ZNF521: variants seen among roughly 807,000 people sequenced by gnomAD.
ZNF521 encodes the protein zinc finger protein 521.
Under a neutral mutation model 105.5 loss-of-function variants are expected in ZNF521, and 14 were observed. The observed-to-expected ratio is 0.13, with a 90% CI of 0.09 to 0.21. The LOEUF is 0.21. ZNF521 is among the 10% of genes least tolerant of loss of function. The pLI, the probability that ZNF521 is intolerant of heterozygous loss-of-function variation, is 1.00. For missense variants in ZNF521, 1,233 were observed against 1,629.7 expected, an observed-to-expected ratio of 0.76 and a Z score of 4.19; for synonymous variants, 635 against 606.0, an observed-to-expected ratio of 1.05 and a Z score of -0.70.
intron 2 of ZNF521, 45 bp from the exon 3 acceptor site, chr18:25,322,232 C>G (rs774412505): frequency 6.3e-7 from 1 of 1,581,484 alleles, no homozygotes; most frequent in Admixed American, 1.7e-5. Flanking sequence ...AAGACAGGTT[C>G]TTTTAAAGTA....
At chr18:25,333,189 A>AACG (rs1462713453) in intron 2 of ZNF521, among the ~76,000 whole-genome samples, 2 of 151,724 alleles carry the variant, frequency 1.3e-5, no homozygotes, top group African/African-American at 4.8e-5. Context: ...AAGTAATATC[A>AACG]ACGAAATCAA....
At chr18:25,201,860 AAAT>A (rs1441365306) in intron 4 of ZNF521, 4 of 152,194 alleles carry the variant, frequency 2.6e-5, no homozygotes, top group African/African-American at 4.8e-5. Context: ...GCAAATGAAA[AAAT>A]AATAAAACCT....
At chr18:25,106,568 T>G (rs2034077914) in intron 5 of ZNF521, among the ~76,000 whole-genome samples, 3 of 152,146 alleles carry the variant, frequency 2.0e-5, no homozygotes, top group Non-Finnish European at 1.5e-5. Flanking sequence ...ATTGTAAAGT[T>G]CTACTCTGGC....
chr18:25,199,180 T>C (rs963843572), intron 4 of ZNF521, among the ~76,000 whole-genome samples: 1 of 151,888 alleles, frequency 6.6e-6, no homozygotes, highest in African/African-American at 2.4e-5. Flanking sequence ...TCTAGAATAT[T>C]CTTTCAGAGA....
chr18:25,222,512 A>C (rs1905795686), intron 4 of ZNF521, among the ~76,000 whole-genome samples: 2 of 152,246 alleles, frequency 1.3e-5, no homozygotes, highest in African/African-American at 4.8e-5. Context: ...GAAACAAGAG[A>C]GTCCAGCTAT....
chr18:25,124,608 T>C (rs796430612), intron 5 of ZNF521, among the ~76,000 whole-genome samples: 14 of 152,342 alleles, frequency 9.2e-5, no homozygotes, highest in African/African-American at 3.1e-4. Flanking sequence ...GATTTCCTTC[T>C]CCATTTTTGT....
At chr18:25,188,133 C>T (rs1568000747) in intron 5 of ZNF521, among the ~76,000 whole-genome samples, 1 of 152,134 alleles carries the variant, frequency 6.6e-6, no homozygotes, top group Non-Finnish European at 1.5e-5. Context: ...CTGCCCCATA[C>T]AGAGCTGCCA....
At chr18:25,089,664 G>C (rs913211374) in intron 6 of ZNF521, 84 bp from the exon 7 acceptor site, 4 of 1,086,508 alleles carry the variant, frequency 3.7e-6, no homozygotes, top group East Asian at 4.9e-5. Flanking sequence ...ACAGACAGCA[G>C]GCCGGACAGC....
intron 5 of ZNF521, among the ~76,000 whole-genome samples, chr18:25,136,190 C>T (rs993937639): frequency 6.6e-6 from 1 of 152,124 alleles, no homozygotes; most frequent in African/African-American, 2.4e-5. Context: ...AATTTCATTT[C>T]TATGCAATTA....
chr18:25,123,993 A>G (rs1231712659), intron 5 of ZNF521, among the ~76,000 whole-genome samples: 1 of 152,142 alleles, frequency 6.6e-6, no homozygotes, highest in Non-Finnish European at 1.5e-5. Context: ...GTAGAGATAT[A>G]CTTGCGGGAC....
intron 5 of ZNF521, among the ~76,000 whole-genome samples, chr18:25,152,272 A>G (rs572114876): frequency 6.6e-6 from 1 of 152,168 alleles, no homozygotes; most frequent in Non-Finnish European, 1.5e-5. Flanking sequence ...TGAGGTCAGG[A>G]GTTTGAGACC....
intron 4 of ZNF521, chr18:25,223,948 A>T (rs974116557): frequency 1.7e-5 from 4 of 239,014 alleles, no homozygotes; most frequent in African/African-American, 8.8e-5. Flanking sequence ...AATTTACTCT[A>T]AGCCAGCATG....
chr18:25,246,225 A>T (rs1298252603), intron 3 of ZNF521, among the ~76,000 whole-genome samples: 1 of 151,986 alleles, frequency 6.6e-6, no homozygotes, highest in African/African-American at 2.4e-5. Flanking sequence ...AAAGTATAAT[A>T]AATAAATAAA....
rs752949024 is a variant in ZNF521, at chr18:25,322,055, G to A, written c.173C>T (p.Ser58Leu). Residue 58 changes from serine (S) to leucine (L), a missense_variant, in exon 3 of 8, where the codon TCG (serine) becomes TTG (leucine). This residue lies in a region of ZNF521 where 76 missense variants were observed against 79.3 expected (regional missense o/e 0.96). Transcript: ENST00000361524. ...SCDSCLQVFE[S>L]LSDITEHKIN... ...CTTGTGTTCTGTGATATCGCTCAGC[G>A]ATTCAAACACCTGGAGGCAGCTGTC... The A allele has an allele frequency of 6.8e-6, 11 of 1,614,042 alleles. No homozygotes were observed. The highest frequency in any genetic ancestry group is 3.3e-5 in the South Asian group (3 of 91,086).
At chr18:25,175,645 C>T (rs1307540111) in intron 5 of ZNF521, among the ~76,000 whole-genome samples, 3 of 152,118 alleles carry the variant, frequency 2.0e-5, no homozygotes, top group African/African-American at 7.2e-5. Context: ...GCTTGTGATA[C>T]CTGGACTTGT....
chr18:25,157,216 A>T (rs761727312), intron 5 of ZNF521, among the ~76,000 whole-genome samples: 2 of 152,070 alleles, frequency 1.3e-5, no homozygotes, highest in Admixed American at 6.6e-5. Flanking sequence ...AAAATAAAAA[A>T]AAGCAAATAA....
At chr18:25,266,975 C>T (rs528740373) in intron 3 of ZNF521, among the ~76,000 whole-genome samples, 2 of 152,340 alleles carry the variant, frequency 1.3e-5, no homozygotes, top group South Asian at 4.1e-4. Context: ...GCCAAGTGGT[C>T]TGGCTCAGCG....
At chr18:25,253,992 T>C (rs183572466) in intron 3 of ZNF521, among the ~76,000 whole-genome samples, 32 of 152,280 alleles carry the variant, frequency 2.1e-4, no homozygotes, top group African/African-American at 7.7e-4. Flanking sequence ...ATGAACAAGG[T>C]CTGATGCTGT....
At chr18:25,229,199 T>G (rs1906372674) in intron 3 of ZNF521, among the ~76,000 whole-genome samples, 1 of 152,238 alleles carries the variant, frequency 6.6e-6, no homozygotes, top group African/African-American at 2.4e-5. Flanking sequence ...AAGATTTTAC[T>G]AGATTGTCAG....
Sources: allele counts gnomAD v4.1 joint callset (sites outside exome capture counted in the v4.1 genomes callset), GRCh38; gene constraint gnomAD v4.1.1; regional missense constraint gnomAD v4.1.1; transcripts MANE v1.5; gene names NCBI Gene and HGNC (gene_info 2026-07-23, HGNC 2026-07-21).